MCTP2: variants seen among roughly 807,000 people sequenced by gnomAD.
MCTP2 encodes the protein multiple C2 and transmembrane domain-containing protein 2.
In MCTP2, 132 loss-of-function variants were observed where a neutral mutation model predicts 111.6. That is an observed-to-expected ratio of 1.18 (90% CI 1.03 to 1.37). The LOEUF (loss-of-function observed/expected upper bound fraction) is 1.37, where lower values mean the gene tolerates loss of function less well. Among genes scored for constraint, MCTP2 ranks in the 40% most tolerant of loss-of-function variants. The pLI is 0.00. For synonymous variants in MCTP2, 395 were observed against 387.7 expected, an observed-to-expected ratio of 1.02 and a Z score of -0.22; for missense variants, 1,183 against 1,067.9, an observed-to-expected ratio of 1.11 and a Z score of -1.50.
rs201364128 is a variant in MCTP2 at position 94,298,495 on chromosome 15, C to T, written c.230C>T (p.Ser77Leu). Residue 77 changes from serine (S) to leucine (L), a missense_variant, in exon 2 of 23, where the codon TCG becomes TTG. Physicochemically the swap from Ser to Leu is moderately radical, Grantham distance 145. Coordinates refer to ENST00000357742, the MANE Select transcript of MCTP2 (RefSeq NM_001385001.1). The part of the protein sequence containing the change: ...PYSGPQSSYT[S>L]VPSSLSTAGI... Reference sequence around the variant, plus strand: ...TCCGGGCCACAGTCTTCCTACACCTCGGTGCCCAGCAGTCTGTCCACTGCA... The same window carrying T: ...TCCGGGCCACAGTCTTCCTACACCTTGGTGCCCAGCAGTCTGTCCACTGCA... 9.9e-5 allele frequency: 160 copies of T among 1,614,050 alleles called. 2 individuals carry two copies. Among genetic ancestry groups the T allele is most frequent in the Middle Eastern group, 3.3e-4 (2 of 6,052 alleles).
rs748735869 is a variant in MCTP2, at chr15:94,478,999, C to G, written c.2602C>G (p.His868Asp). ...TGCAGAATTGAAACTCTGCAGCAGC[C>G]ACAGCCCCCTGCGGAAGAAGCGCAG... ...QYAELKLCSS[H>D]SPLRKKRSAL Residue 868 changes from histidine to aspartate, a missense_variant, in exon 23 of 23, where the codon CAC becomes GAC. His to Asp is a moderately conservative substitution (Grantham distance 81, BLOSUM62 -1). Coordinates refer to ENST00000357742, the MANE Select transcript of MCTP2 (RefSeq NM_001385001.1). 43 of 1,614,090 alleles carry G rather than the reference C, an allele frequency of 2.7e-5. No individual in the cohort carries two copies. The highest frequency in any genetic ancestry group is 3.6e-5 in the Non-Finnish European group (43 of 1,180,008).
intron 1 of MCTP2, chr15:94,273,890 A>T (rs1038088443): frequency 1.3e-5 from 3 of 236,336 alleles, no homozygotes; most frequent in Non-Finnish European, 2.8e-5. Context: ...GGCTCTCACC[A>T]GGCCAAAACT....
rs1567602819 is a variant in MCTP2, at chr15:94,390,089, T to TATATATATATATATATACAC, written c.1788+4564_1788+4565insATATATATATATATATACAC. 2.9e-4 allele frequency among the ~76,000 whole-genome samples: 4 copies of TATATATATATATATATACAC among 13,606 alleles called. 1 individual carries two copies. The highest frequency in any genetic ancestry group is 6.0e-4 in the African/African-American group (4 of 6,706). 8.9% of individuals were successfully genotyped at this position (13,606 alleles called of 152,430 possible). On this transcript the variant is annotated intron_variant, in intron 14 of 22. Coordinates refer to ENST00000357742, the MANE Select transcript of MCTP2 (RefSeq NM_001385001.1). ...ATATATATATATATATATATATATA[T>TATATATATATATATATACAC]GTATATATATATATATATATATATG...
intron 17 of MCTP2, among the ~76,000 whole-genome samples, chr15:94,414,121 T>G (rs2082270958): frequency 6.6e-6 from 1 of 152,208 alleles, no homozygotes; most frequent in Non-Finnish European, 1.5e-5. Flanking sequence ...AGATGTTGAG[T>G]GTCATCAACA....
chr15:94,245,128 A>G (rs764870730), intron 1 of MCTP2, among the ~76,000 whole-genome samples: 8 of 148,334 alleles, frequency 5.4e-5, no homozygotes, highest in Non-Finnish European at 7.5e-5. Context: ...ATGTATACAC[A>G]TGTGTATATA....
At chr15:94,235,394 C>T (rs909964620) in intron 1 of MCTP2, among the ~76,000 whole-genome samples, 8 of 152,228 alleles carry the variant, frequency 5.3e-5, no homozygotes, top group East Asian at 1.9e-4. Flanking sequence ...AGGAGCTCTG[C>T]GTCTAGAGCA....
intron 1 of MCTP2, among the ~76,000 whole-genome samples, chr15:94,237,491 C>G (rs28750203): frequency 0.32 from 47,737 of 151,218 alleles, 7,731 homozygotes; most frequent in Non-Finnish European, 0.35. Flanking sequence ...GGTCTGGGGA[C>G]TCATGCCCTA....
At chr15:94,321,714 G>T (rs1473295277) in intron 4 of MCTP2, among the ~76,000 whole-genome samples, 2 of 152,082 alleles carry the variant, frequency 1.3e-5, no homozygotes, top group African/African-American at 2.4e-5. Context: ...GGAGGTTAGG[G>T]GTGCCAACCC....
At chr15:94,253,290 A>T (rs2072561078) in intron 1 of MCTP2, among the ~76,000 whole-genome samples, 1 of 152,138 alleles carries the variant, frequency 6.6e-6, no homozygotes, top group Non-Finnish European at 1.5e-5. Context: ...CTCAACTTTG[A>T]TAACTTATCA....
At chr15:94,434,625 AT>A (rs1054149748) in intron 17 of MCTP2, among the ~76,000 whole-genome samples, 2 of 152,128 alleles carry the variant, frequency 1.3e-5, no homozygotes, top group East Asian at 3.9e-4. Flanking sequence ...AAAAAATACC[AT>A]TTTTTCGATT....
intron 16 of MCTP2, 128 bp downstream of exon 16, chr15:94,400,123 C>T (rs2081493099): frequency 1.4e-6 from 1 of 710,124 alleles, no homozygotes; most frequent in East Asian, 2.7e-5. Context: ...CTCCCTCTTG[C>T]CCCATCTCTC....
intron 12 of MCTP2, among the ~76,000 whole-genome samples, chr15:94,383,172 G>A (rs1312642915): frequency 2.6e-5 from 4 of 152,162 alleles, no homozygotes; most frequent in African/African-American, 4.8e-5. Context: ...AGGATCATGA[G>A]TGTTTGTGAC....
Position 94,260,137 on chromosome 15 carries a change from C to A in MCTP2, c.-66+28473C>A, listed in dbSNP as rs184034504. Among the ~76,000 whole-genome samples the A allele has an allele frequency of 2.9e-3, 438 of 152,278 alleles. 6 individuals carry two copies. Among genetic ancestry groups the A allele is most frequent in the Admixed American group, 0.027 (419 of 15,300 alleles). Reference sequence around the variant, plus strand: ...GTCTTCTCACTTCTGTTTTCTCTACCCAAGGAACCTTGAGTGCCTTTCCTG... The same window carrying A: ...GTCTTCTCACTTCTGTTTTCTCTACACAAGGAACCTTGAGTGCCTTTCCTG... On this transcript the variant is annotated intron_variant, in intron 1 of 22. Coordinates refer to ENST00000357742, the MANE Select transcript of MCTP2 (RefSeq NM_001385001.1).
chr15:94,343,838 G>C (rs1228266479), intron 7 of MCTP2: 1 of 152,164 alleles, frequency 6.6e-6, no homozygotes, highest in Non-Finnish European at 1.5e-5. Context: ...GCTTGGAATT[G>C]GGTAGAGACA....
intron 17 of MCTP2, among the ~76,000 whole-genome samples, chr15:94,430,577 C>CAAAAAAAAAAAAAAAA (rs11289166): frequency 3.1e-5 from 3 of 96,688 alleles, no homozygotes; most frequent in African/African-American, 1.2e-4. Context: ...ACTAAAAATA[C>CAAAAAAAAAAAAAAAA]AAAAAAAAAA....
chr15:94,470,747 G>A (rs768778529), intron 21 of MCTP2, among the ~76,000 whole-genome samples: 1 of 151,544 alleles, frequency 6.6e-6, no homozygotes, highest in South Asian at 2.1e-4. Context: ...CTGTGCCCGG[G>A]TAACTTTAAG....
In MCTP2 at chr15:94,399,913, T is replaced by A; in HGVS notation, c.1891-8T>A. On this transcript the variant is annotated splice_region_variant and splice_polypyrimidine_tract_variant and intron_variant, in intron 15 of 22. Coordinates refer to ENST00000357742, the MANE Select transcript of MCTP2 (RefSeq NM_001385001.1). Reference sequence around the variant, plus strand: ...GCTGCCCTTTTTTAACAAGGATGTCTTTTCTAGGTGAAAGCAAGTATTAGG... The same window carrying A: ...GCTGCCCTTTTTTAACAAGGATGTCATTTCTAGGTGAAAGCAAGTATTAGG... The A allele has an allele frequency of 6.2e-7, 1 of 1,613,470 alleles. No individual in the cohort carries two copies. Among genetic ancestry groups the A allele is most frequent in the Non-Finnish European group, 8.5e-7 (1 of 1,179,454 alleles).
chr15:94,255,294 T>C (rs1296124911), intron 1 of MCTP2, among the ~76,000 whole-genome samples: 1 of 152,112 alleles, frequency 6.6e-6, no homozygotes, highest in Non-Finnish European at 1.5e-5. Flanking sequence ...ATAGAAAGAG[T>C]TTAGATTGAT....
chr15:94,291,120 T>C (rs903261779), intron 1 of MCTP2, among the ~76,000 whole-genome samples: 1 of 152,106 alleles, frequency 6.6e-6, no homozygotes, highest in Non-Finnish European at 1.5e-5. Flanking sequence ...ACAGTCCACA[T>C]TGGGGGTCAT....
Sources: gnomAD v4.1 joint callset for allele counts (sites outside exome capture counted in the v4.1 genomes callset) on GRCh38, gnomAD v4.1.1 for gene constraint, MANE v1.5 for transcripts, NCBI Gene and HGNC (gene_info 2026-07-23, HGNC 2026-07-21) for gene names.